Variants in MME observed in about 807,000 individuals in gnomAD.
The protein encoded by MME is membrane metalloendopeptidase.
A neutral mutation model predicts 113.2 loss-of-function variants in MME; 98 were observed. The ratio of observed to expected loss-of-function variants is 0.87; its 90% CI spans 0.74 to 1.02. The LOEUF (loss-of-function observed/expected upper bound fraction) is 1.02. Ranked by LOEUF, MME falls within the 50% of genes least tolerant of loss-of-function variation. MME has a pLI of 0.00. For synonymous variants in MME, 292 were observed against 300.6 expected, an observed-to-expected ratio of 0.97 and a Z score of 0.30; for missense variants, 836 against 896.0, an observed-to-expected ratio of 0.93 and a Z score of 0.86.
At chr3:155,133,399 C>A (rs950742743) in intron 8 of MME, among the ~76,000 whole-genome samples, 2 of 151,536 alleles carry the variant, frequency 1.3e-5, no homozygotes, top group African/African-American at 4.8e-5. Flanking sequence ...TATATGCTTC[C>A]AGTTTTCTGA....
At position 155,030,163 on chromosome 3, in the gene MME, A is replaced by T. The variant is rs571505901; in HGVS notation, c.-11+5839A>T. ...GAATAGGTAAAGATTCAATCAAGAT[A>T]AAATGGTTGAGAAAAGTGTCTTAAG... On this transcript the variant is annotated intron_variant, in intron 1 of 22. Transcript: ENST00000492661. Among the ~76,000 whole-genome samples the T allele has an allele frequency of 1.2e-4, 18 of 152,310 alleles. No homozygotes were observed. In the East Asian group the frequency reaches 2.7e-3, roughly 23 times the overall value.
chr3:155,161,177 C>A (rs1303987448), intron 17 of MME, among the ~76,000 whole-genome samples: 5 of 152,036 alleles, frequency 3.3e-5, no homozygotes, highest in Middle Eastern at 3.2e-3. Context: ...CATTGGCTCA[C>A]ATATATCACT....
chr3:155,147,328 C>T, intron 15 of MME, 104 bp downstream of exon 15: 1 of 764,072 alleles, frequency 1.3e-6, no homozygotes, highest in South Asian at 1.4e-5. Context: ...AGCCTGAAAC[C>T]ACAGGTTGTA....
intron 1 of MME, among the ~76,000 whole-genome samples, chr3:155,027,758 T>C (rs1402620658): frequency 6.6e-6 from 1 of 152,200 alleles, no homozygotes; most frequent in East Asian, 1.9e-4. Flanking sequence ...ACACAAATAG[T>C]TTACTCTGAC....
intron 3 of MME, among the ~76,000 whole-genome samples, chr3:155,099,323 A>G (rs1457311647): frequency 6.6e-6 from 1 of 152,214 alleles, no homozygotes; most frequent in African/African-American, 2.4e-5. Context: ...TAAAAACTCA[A>G]AATGAATCAA....
upstream of MME, among the ~76,000 whole-genome samples, chr3:155,078,024 G>A (rs185969188): frequency 2.7e-5 from 4 of 150,898 alleles, no homozygotes; most frequent in Non-Finnish European, 5.9e-5. Context: ...GGCCAATATG[G>A]AGAAACCCCG....
intron 1 of MME, among the ~76,000 whole-genome samples, chr3:155,072,025 G>A (rs893664455): frequency 6.6e-6 from 1 of 151,970 alleles, no homozygotes; most frequent in Admixed American, 6.6e-5. Context: ...GCCGGGCGCG[G>A]TGGCGGGCGC....
intron 1 of MME, among the ~76,000 whole-genome samples, chr3:155,057,430 TAA>T (rs1187552398): frequency 1.3e-5 from 2 of 152,048 alleles, no homozygotes; most frequent in Non-Finnish European, 2.9e-5. Flanking sequence ...TGGCAATCAT[TAA>T]AAAGTCAGGA....
intron 1 of MME, among the ~76,000 whole-genome samples, chr3:155,068,827 A>C (rs942614276): frequency 2.6e-5 from 4 of 152,354 alleles, no homozygotes; most frequent in African/African-American, 9.6e-5. Context: ...GATAATGTTC[A>C]AAATGTTAGT....
intron 1 of MME, among the ~76,000 whole-genome samples, chr3:155,051,201 A>AAGATTACAT (rs1395332671): frequency 1.3e-5 from 2 of 152,196 alleles, no homozygotes; most frequent in Non-Finnish European, 2.9e-5. Flanking sequence ...TTTTGCTGAA[A>AAGATTACAT]AGATTACATG....
chr3:155,082,147 G>A (rs1020963213), intron 1 of MME, among the ~76,000 whole-genome samples: 2 of 152,102 alleles, frequency 1.3e-5, no homozygotes, highest in African/African-American at 4.8e-5. Context: ...TACACCACAA[G>A]GCATGGAGTT....
At chr3:155,097,515 A>G (rs999710982) in intron 3 of MME, among the ~76,000 whole-genome samples, 3 of 152,354 alleles carry the variant, frequency 2.0e-5, no homozygotes, top group African/African-American at 7.2e-5. Flanking sequence ...AAAGGAAGAC[A>G]TTGAAGATTC....
intron 20 of MME, among the ~76,000 whole-genome samples, chr3:155,169,178 C>T (rs1219125253): frequency 6.6e-6 from 1 of 152,102 alleles, no homozygotes. Flanking sequence ...ATATAAGAAA[C>T]AGGACCTTCA....
At position 155,043,095 on chromosome 3, in the gene MME, T is replaced by C. The variant is rs188983466; in HGVS notation, c.-11+18771T>C. ...TCTTTTTATGGTATAATTTTCAACA[T>C]TTTATACCTGTTTCTTTATGGCTTT... On this transcript the variant is annotated intron_variant, in intron 1 of 22. Coordinates refer to the MME transcript ENST00000492661. 6.3e-3 allele frequency among the ~76,000 whole-genome samples: 946 copies of C among 150,060 alleles called. 6 individuals carry two copies. Among genetic ancestry groups the C allele is most frequent in the Non-Finnish European group, 9.0e-3 (611 of 67,562 alleles).
chr3:155,142,362 T>C (rs1307881350), intron 12 of MME, 32 bp downstream of exon 12: 2 of 1,526,796 alleles, frequency 1.3e-6, no homozygotes, highest in African/African-American at 2.7e-5. Flanking sequence ...TCTTAAGACT[T>C]AAAGCATAAA....
At chr3:155,036,805 AT>A (rs1559888181) in intron 1 of MME, among the ~76,000 whole-genome samples, 1 of 152,006 alleles carries the variant, frequency 6.6e-6, no homozygotes, top group East Asian at 1.9e-4. Flanking sequence ...ATTTTCAAAA[AT>A]TTTTTTACCT....
intron 21 of MME, 44 bp from the exon 22 acceptor site, chr3:155,172,492 T>C: frequency 1.4e-6 from 2 of 1,456,726 alleles, no homozygotes; most frequent in Non-Finnish European, 1.9e-6. Flanking sequence ...TAATCCTTGA[T>C]TGAACCTGAG....
intron 8 of MME, among the ~76,000 whole-genome samples, chr3:155,126,977 A>G (rs1044072334): frequency 6.7e-6 from 1 of 150,322 alleles, no homozygotes; most frequent in Non-Finnish European, 1.5e-5. Flanking sequence ...ATTGGACTCC[A>G]GCCTGGGCAA....
At chr3:155,127,034 A>G (rs989094489) in intron 8 of MME, among the ~76,000 whole-genome samples, 2 of 151,256 alleles carry the variant, frequency 1.3e-5, no homozygotes, top group African/African-American at 2.4e-5. Flanking sequence ...AAGAAAGGGC[A>G]TTTGTTCTCC....
Sources: allele counts gnomAD v4.1 joint callset (sites outside exome capture counted in the v4.1 genomes callset), GRCh38; gene constraint gnomAD v4.1.1; transcripts MANE v1.5; gene names NCBI Gene and HGNC (gene_info 2026-07-23, HGNC 2026-07-21).